FER1L6: variants seen among roughly 807,000 people sequenced by gnomAD.
FER1L6 encodes fer-1 like family member 6.
Under a neutral mutation model 219.2 loss-of-function variants are expected in FER1L6, and 177 were observed. The observed-to-expected ratio is 0.81, with a 90% CI of 0.71 to 0.91. FER1L6 has a LOEUF of 0.91. Among genes scored for constraint, FER1L6 ranks in the 40% least tolerant of loss-of-function variants. The probability of loss-of-function intolerance (pLI) is 0.00; values close to 1 mark genes in which losing one functional copy is unlikely to be tolerated. For synonymous variants in FER1L6, 768 were observed against 824.3 expected (o/e 0.93, Z 1.17); for missense variants, 2,153 against 2,259.9 (o/e 0.95, Z 0.96).
In FER1L6 at chr8:123,967,959, A is replaced by G. The variant is rs530164266; in HGVS notation, c.384+1669A>G. Among the ~76,000 whole-genome samples, 954 of 143,332 alleles carry G rather than the reference A, an allele frequency of 6.7e-3. 14 individuals are homozygous for G. Among genetic ancestry groups the G allele is most frequent in the African/African-American group, 0.024 (921 of 39,126 alleles). The allele number at this position is 143,332 out of a possible 152,430, so 94.0% of individuals were successfully genotyped here. A position where few individuals can be genotyped will look rare whatever the true frequency, so the allele number is the denominator to read the frequency against. Reference sequence around the variant, plus strand: ...CAACAAAGCAAGACGTTGTCTCAGGAAAAAAAAAAAAATCTTATTATCTTA... The same window carrying G: ...CAACAAAGCAAGACGTTGTCTCAGGGAAAAAAAAAAAATCTTATTATCTTA... On this transcript the variant is annotated intron_variant, in intron 5 of 40. Coordinates refer to ENST00000522917, the MANE Select transcript of FER1L6 (RefSeq NM_001039112.2).
At chr8:123,914,315 A>C (rs1479896736) in intron 1 of FER1L6, among the ~76,000 whole-genome samples, 1 of 152,218 alleles carries the variant, frequency 6.6e-6, no homozygotes, top group Non-Finnish European at 1.5e-5. Flanking sequence ...TTTTTAGAAG[A>C]ATATGAGATT....
chr8:123,920,446 T>C (rs1184321591), intron 1 of FER1L6, among the ~76,000 whole-genome samples: 2 of 152,142 alleles, frequency 1.3e-5, no homozygotes, highest in Non-Finnish European at 2.9e-5. Context: ...TGCTGGGCTG[T>C]GATGAAGAAC....
In FER1L6 at chr8:123,977,605, C is replaced by A. The variant is rs770354146; in HGVS notation, c.1059C>A (p.Asp353Glu). The A allele has an allele frequency of 1.1e-5, 18 of 1,613,484 alleles. 1 individual carries two copies. The South Asian group carries it at 1.6e-4, about 15-fold the overall frequency. ...LKKISNEQDG[D>E]KGFLPTFGPA... ...AAATCTCCAACGAACAGGATGGAGA[C>A]AAAGGTAAAGTCCCATCCATCTGAC... The change falls in exon 10 of 41, where the codon GAC (aspartate) becomes GAA (glutamate). Residue 353 changes from aspartate to glutamate, a missense_variant. By Grantham distance (45) the Asp-to-Glu change is conservative (BLOSUM62 2). Transcript: ENST00000522917.
At chr8:124,100,421 A>G (rs776396849) in intron 37 of FER1L6, among the ~76,000 whole-genome samples, 3 of 152,212 alleles carry the variant, frequency 2.0e-5, no homozygotes, top group Non-Finnish European at 4.4e-5. Context: ...ACTAGGTGCT[A>G]TAATTGCTTC....
At chr8:123,923,547 T>G (rs1813443878) in intron 1 of FER1L6, among the ~76,000 whole-genome samples, 1 of 152,142 alleles carries the variant, frequency 6.6e-6, no homozygotes, top group African/African-American at 2.4e-5. Context: ...GCCAATTTAT[T>G]TTAGGTTATT....
chr8:123,993,965 T>G (rs767563726), intron 12 of FER1L6, among the ~76,000 whole-genome samples: 3 of 152,218 alleles, frequency 2.0e-5, no homozygotes, highest in African/African-American at 7.2e-5. Context: ...GAGCTGATCA[T>G]GTAGGCAGAC....
chr8:124,049,631 AC>A lies in FER1L6; in HGVS notation c.2750del (p.Thr917LysfsTer7), dbSNP rs1819908777. The A allele has an allele frequency of 5.0e-6, 8 of 1,613,836 alleles. No individual in the cohort carries two copies. The highest frequency in any genetic ancestry group is 6.8e-6 in the Non-Finnish European group (8 of 1,179,980). On this transcript the variant is annotated frameshift_variant, in exon 22 of 41. Transcript: ENST00000522917. LOFTEE classifies it high-confidence loss of function. ...AVGKPEYLGA[T>X]VAAPVVKLAD... Reference sequence around the variant, plus strand: ...GGGGAAGCCAGAATATTTGGGTGCCACAGTGGCTGCTCCTGTTGTGAAGCTG... The same window carrying A: ...GGGGAAGCCAGAATATTTGGGTGCCAAGTGGCTGCTCCTGTTGTGAAGCTG...
chr8:123,883,103 A>G (rs576657179), intron 1 of FER1L6, among the ~76,000 whole-genome samples: 2 of 152,348 alleles, frequency 1.3e-5, no homozygotes, highest in East Asian at 3.9e-4. Flanking sequence ...ACCCTTAAAA[A>G]GCCAGAGGTA....
chr8:124,080,953 CAGTT>C (rs965677951), intron 32 of FER1L6, among the ~76,000 whole-genome samples: 4 of 152,212 alleles, frequency 2.6e-5, no homozygotes, highest in African/African-American at 9.6e-5. Flanking sequence ...CCACTTCTGT[CAGTT>C]ACAGTCACTG....
At chr8:123,953,554 C>T (rs780665021) in intron 1 of FER1L6, among the ~76,000 whole-genome samples, 3 of 152,292 alleles carry the variant, frequency 2.0e-5, no homozygotes, top group South Asian at 2.1e-4. Flanking sequence ...CCCATGACAG[C>T]GTCTTCAGCC....
intron 26 of FER1L6, among the ~76,000 whole-genome samples, chr8:124,065,468 T>A (rs1364972826): frequency 2.7e-5 from 4 of 147,196 alleles, no homozygotes; most frequent in Admixed American, 6.8e-5. Flanking sequence ...AAGGCTGAGA[T>A]AAAAAGAAGA....
At chr8:123,961,993 G>A (rs939045937) in intron 2 of FER1L6, among the ~76,000 whole-genome samples, 7 of 151,302 alleles carry the variant, frequency 4.6e-5, no homozygotes, top group South Asian at 2.1e-4. Flanking sequence ...GGGTTCAAGC[G>A]ATTCTTCTGC....
chr8:124,027,823 A>G (rs184981175), intron 18 of FER1L6, among the ~76,000 whole-genome samples: 1 of 152,252 alleles, frequency 6.6e-6, no homozygotes, highest in Admixed American at 6.5e-5. Context: ...TGGCCTCCCA[A>G]AGCACTGAGA....
intron 1 of FER1L6, among the ~76,000 whole-genome samples, chr8:123,905,828 A>G (rs1183175296): frequency 6.6e-6 from 1 of 152,214 alleles, no homozygotes; most frequent in East Asian, 1.9e-4. Context: ...TGTACAGCTT[A>G]AAATTATTTT....
intron 5 of FER1L6, 33 bp from the exon 6 acceptor site, chr8:123,970,002 G>T (rs746590901): frequency 1.0e-5 from 16 of 1,598,216 alleles, no homozygotes; most frequent in Non-Finnish European, 1.4e-5. Flanking sequence ...CAAGTCTGGG[G>T]TTGATGACCA....
chr8:123,887,124 T>C (rs1817217853), intron 1 of FER1L6, among the ~76,000 whole-genome samples: 1 of 152,192 alleles, frequency 6.6e-6, no homozygotes, highest in African/African-American at 2.4e-5. Context: ...CCTGTTTTCC[T>C]GTACATAGTT....
At position 124,003,335 on chromosome 8, in the gene FER1L6, C is replaced by T; in HGVS notation, c.1688C>T (p.Thr563Ile). Residue 563 changes from threonine to isoleucine, a missense_variant, in exon 13 of 41, where the codon ACA (threonine) becomes ATA (isoleucine). Transcript: ENST00000522917. Reference protein sequence around the residue: ...STTHPEKPLVTEGNRNYNYLP... With the variant: ...STTHPEKPLVIEGNRNYNYLP... ...ACTCACCCGGAGAAGCCACTGGTGACAGAAGGGAACAGGTAGGAGACATAG... is the reference window on the plus strand; with the variant it reads ...ACTCACCCGGAGAAGCCACTGGTGATAGAAGGGAACAGGTAGGAGACATAG... 1 of 1,611,180 alleles carries T rather than the reference C, an allele frequency of 6.2e-7. No individual in the cohort carries two copies. Among genetic ancestry groups the T allele is most frequent in the Middle Eastern group, 1.9e-4 (1 of 5,250 alleles).
intron 1 of FER1L6, among the ~76,000 whole-genome samples, chr8:123,901,034 G>C (rs868692258): frequency 6.6e-6 from 1 of 152,110 alleles, no homozygotes; most frequent in Middle Eastern, 3.2e-3. Context: ...ATTAGGGAGG[G>C]TTACTTCTTT....
chr8:124,107,177 T>C (rs1051027156), intron 39 of FER1L6, among the ~76,000 whole-genome samples: 7 of 152,048 alleles, frequency 4.6e-5, no homozygotes, highest in Non-Finnish European at 8.8e-5. Flanking sequence ...CTCGATCTCC[T>C]GACCTTGTGA....
Sources: gnomAD v4.1 joint callset for allele counts (sites outside exome capture counted in the v4.1 genomes callset) on GRCh38, gnomAD v4.1.1 for gene constraint, MANE v1.5 for transcripts, NCBI Gene and HGNC (gene_info 2026-07-23, HGNC 2026-07-21) for gene names.